Variants in TYW1B observed in about 807,000 individuals in gnomAD.
The protein encoded by TYW1B is tRNA-yW synthesizing protein 1 homolog B.
A neutral mutation model predicts 86.9 loss-of-function variants in TYW1B; 73 were observed. That is an observed-to-expected ratio of 0.84 (90% CI 0.70 to 1.02). The LOEUF is 1.02. Ranked by LOEUF, TYW1B falls within the 50% of genes least tolerant of loss-of-function variation. The probability of loss-of-function intolerance (pLI) is 0.00; values close to 1 mark genes in which losing one functional copy is unlikely to be tolerated. For synonymous variants in TYW1B, 248 were observed against 292.8 expected (o/e 0.85, Z 1.56); for missense variants, 637 against 827.4 (o/e 0.77, Z 2.82).
intron 12 of TYW1B, among the ~76,000 whole-genome samples, chr7:72,625,880 G>GC (rs34417867): frequency 0.16 from 15,890 of 100,734 alleles, 827 homozygotes; most frequent in East Asian, 0.49. Context: ...TAAGAAAGGA[G>GC]GGGGGAGAGG....
intron 9 of TYW1B, among the ~76,000 whole-genome samples, chr7:72,719,059 T>C (rs1786843288): frequency 2.0e-5 from 3 of 152,182 alleles, no homozygotes; most frequent in Admixed American, 6.6e-5. Context: ...CATGAAATAC[T>C]TAATGGGGTG....
chr7:72,629,652 T>C (rs1318685649), intron 11 of TYW1B, among the ~76,000 whole-genome samples: 1 of 152,144 alleles, frequency 6.6e-6, no homozygotes, highest in African/African-American at 2.4e-5. Flanking sequence ...ACTCAAGTGA[T>C]CCTCCTGCCT....
chr7:72,613,398 C>T (rs150036499), intron 13 of TYW1B, among the ~76,000 whole-genome samples: 11,886 of 126,350 alleles, frequency 0.094, 704 homozygotes, highest in African/African-American at 0.17. Context: ...TACTTTATAT[C>T]TTCTTTTTTT....
At chr7:72,651,155 C>T (rs1813045316) in intron 11 of TYW1B, among the ~76,000 whole-genome samples, 1 of 152,122 alleles carries the variant, frequency 6.6e-6, no homozygotes, top group Non-Finnish European at 1.5e-5. Context: ...CGATATAACA[C>T]AGTAGAAAGC....
chr7:72,661,777 A>G (rs1199699357), intron 11 of TYW1B, among the ~76,000 whole-genome samples: 4 of 152,076 alleles, frequency 2.6e-5, no homozygotes, highest in Non-Finnish European at 5.9e-5. Flanking sequence ...TAATGAAATG[A>G]CTGTATTCAA....
intron 6 of TYW1B, among the ~76,000 whole-genome samples, chr7:72,795,316 G>T (rs1394181561): frequency 2.7e-5 from 4 of 149,520 alleles, no homozygotes; most frequent in Non-Finnish European, 6.0e-5. Context: ...TTTGATCCAA[G>T]ACTAAAATTT....
intron 11 of TYW1B, among the ~76,000 whole-genome samples, chr7:72,688,297 T>C (rs1472789877): frequency 6.6e-6 from 1 of 152,210 alleles, no homozygotes; most frequent in Non-Finnish European, 1.5e-5. Flanking sequence ...TTATTATTGA[T>C]ACTCTTGGTT....
At chr7:72,620,316 G>C (rs564777854) in intron 12 of TYW1B, among the ~76,000 whole-genome samples, 1 of 152,176 alleles carries the variant, frequency 6.6e-6, no homozygotes, top group Non-Finnish European at 1.5e-5. Context: ...AGAATCGCTC[G>C]AACCCAGTAG....
chr7:72,813,780 C>T (rs1360519029), intron 3 of TYW1B, among the ~76,000 whole-genome samples: 1 of 152,022 alleles, frequency 6.6e-6, no homozygotes, highest in Admixed American at 6.6e-5. Context: ...TATGGGAGGC[C>T]GAGGCAAATA....
intron 10 of TYW1B, among the ~76,000 whole-genome samples, chr7:72,700,155 C>CTTTTTTTTT (rs587689485): frequency 2.3e-4 from 17 of 74,214 alleles, no homozygotes; most frequent in East Asian, 6.3e-4. Flanking sequence ...AGCTTTTACA[C>CTTTTTTTTT]TTTTTTTTTT....
rs574649554 is a variant in TYW1B at position 72,808,778 on chromosome 7, C to T, written c.433-1422G>A. On this transcript the variant is annotated intron_variant, in intron 4 of 13. Transcript: ENST00000620995. ...CCGACCTCAGGTGATCCGCCCGCCT[C>T]TGCCTCCCAAAGTGCTGGCATTACA... Among the ~76,000 whole-genome samples, 645 of 152,172 alleles carry T rather than the reference C, an allele frequency of 4.2e-3. 1 individual carries two copies. Among genetic ancestry groups the T allele is most frequent in the Non-Finnish European group, 7.3e-3 (494 of 68,004 alleles).
intron 5 of TYW1B, among the ~76,000 whole-genome samples, chr7:72,805,213 T>G (rs1406826407): frequency 5.7e-5 from 2 of 35,198 alleles, no homozygotes; most frequent in Non-Finnish European, 8.7e-5. Flanking sequence ...AAAGGAGCCA[T>G]GCAGTGGGCT....
chr7:72,652,377 GAAAAAAAAAAAAAAAAA>G (rs1169791430), intron 11 of TYW1B, among the ~76,000 whole-genome samples: 1 of 31,286 alleles, frequency 3.2e-5, no homozygotes, highest in African/African-American at 8.6e-5. Flanking sequence ...GACTCTGTCT[GAAAAAAAAAAAAAAAAA>G]AAAAAAAAAA....
chr7:72,576,509 CTTTTT>C (rs11334473), intron 13 of TYW1B, among the ~76,000 whole-genome samples: 1 of 120,082 alleles, frequency 8.3e-6, no homozygotes, highest in African/African-American at 3.3e-5. Flanking sequence ...ATGCCACTGT[CTTTTT>C]TTTTTTTTTT....
chr7:72,821,984 G>A (rs1788835208), intron 2 of TYW1B, among the ~76,000 whole-genome samples: 1 of 151,954 alleles, frequency 6.6e-6, no homozygotes, highest in East Asian at 1.9e-4. Flanking sequence ...CGTGGCTCAA[G>A]CCTGTAATCC....
Position 72,729,092 on chromosome 7 carries a change from C to T in TYW1B, c.1083-161G>A, listed in dbSNP as rs570542207. ...TGGTATTTTCCAACTTATTTTAAAT[C>T]GTGACACCCAACAGAGAGGGGTGAA... On this transcript the variant is annotated intron_variant, in intron 8 of 13. Coordinates refer to ENST00000620995, the MANE Select transcript of TYW1B (RefSeq NM_001145440.3). Among the ~76,000 whole-genome samples, 291 of 152,318 alleles carry T rather than the reference C, an allele frequency of 1.9e-3. 2 individuals are homozygous for T. Among genetic ancestry groups the T allele is most frequent in the African/African-American group, 6.6e-3 (276 of 41,570 alleles).
Position 72,616,801 on chromosome 7 carries a change from A to C in TYW1B, c.1656T>G (p.Leu552=), listed in dbSNP as rs1554436993. 3 of 1,614,222 alleles carry C rather than the reference A, an allele frequency of 1.9e-6. No individual in the cohort carries two copies. The South Asian group carries it at 3.3e-5, about 18-fold the overall frequency. Reference sequence around the variant, plus strand: ...CATGCCAGGGCACATGGGCCATGGTAAGACTGCTTGCTGAACTTTCTCTGC... The same window carrying C: ...CATGCCAGGGCACATGGGCCATGGTCAGACTGCTTGCTGAACTTTCTCTGC... The part of the protein sequence containing the change: ...TYCRESSASS[L]TMAHVPWHEE... Residue 552 remains leucine (L), a synonymous_variant, in exon 13 of 14, where the codon CTT becomes CTG. Coordinates refer to ENST00000620995, the MANE Select transcript of TYW1B (RefSeq NM_001145440.3).
chr7:72,658,262 A>T (rs1813252653), intron 11 of TYW1B, among the ~76,000 whole-genome samples: 1 of 152,152 alleles, frequency 6.6e-6, no homozygotes, highest in Admixed American at 6.5e-5. Context: ...ATAAAAAAAA[A>T]AAAAAAGAAA....
intron 7 of TYW1B, among the ~76,000 whole-genome samples, chr7:72,753,065 T>C (rs782069920): frequency 6.6e-6 from 1 of 151,922 alleles, no homozygotes; most frequent in Non-Finnish European, 1.5e-5. Flanking sequence ...GCATTTATCA[T>C]GCCATATCAA....
Sources: gnomAD v4.1 joint callset for allele counts (sites outside exome capture counted in the v4.1 genomes callset) on GRCh38, gnomAD v4.1.1 for gene constraint, MANE v1.5 for transcripts, NCBI Gene and HGNC (gene_info 2026-07-23, HGNC 2026-07-21) for gene names.